SKAP2: variants seen among roughly 807,000 people sequenced by gnomAD.
SKAP2 encodes src kinase-associated phosphoprotein 2.
In SKAP2, 28 loss-of-function variants were observed where a neutral mutation model predicts 54.9. That is an observed-to-expected ratio of 0.51 (90% CI 0.38 to 0.70). The LOEUF is 0.70. Among genes scored for constraint, SKAP2 ranks in the 30% least tolerant of loss-of-function variants. The pLI, the probability that SKAP2 is intolerant of heterozygous loss-of-function variation, is 0.00. For synonymous variants in SKAP2, 137 were observed against 134.3 expected (o/e 1.02, Z -0.14); for missense variants, 356 against 424.1 (o/e 0.84, Z 1.41).
chr7:26,739,299 C>T (rs6950668), intron 5 of SKAP2, among the ~76,000 whole-genome samples: 11,713 of 152,116 alleles, frequency 0.077, 576 homozygotes, highest in Middle Eastern at 0.17. Context: ...AATAGAAAGG[C>T]CTAAAGGGAC....
At chr7:26,741,712 A>G (rs1276004493) in intron 4 of SKAP2, among the ~76,000 whole-genome samples, 1 of 152,120 alleles carries the variant, frequency 6.6e-6, no homozygotes, top group Non-Finnish European at 1.5e-5. Context: ...CAAAACATAC[A>G]ATATGCCCAT....
In SKAP2 at chr7:26,667,781, A is replaced by T. The variant is rs560692218; in HGVS notation, c.*1885T>A. 1 of 152,664 alleles carries T rather than the reference A, an allele frequency of 6.6e-6. No homozygotes were observed. The highest frequency in any genetic ancestry group is 1.5e-5 in the Non-Finnish European group (1 of 68,016). The allele number at this position is 152,664 out of a possible 1,614,324, so 9.5% of individuals were successfully genotyped here. On this transcript the variant is annotated 3_prime_UTR_variant, in exon 13 of 13. Transcript: ENST00000345317. Reference sequence around the variant, plus strand: ...GCCATCTACTGGCCTAGGACTAAAAACTTCTTTTCAACCCAAAGCACAAAC... The same window carrying T: ...GCCATCTACTGGCCTAGGACTAAAATCTTCTTTTCAACCCAAAGCACAAAC...
At chr7:26,828,509 C>G (rs542756130) in intron 4 of SKAP2, among the ~76,000 whole-genome samples, 163 of 151,348 alleles carry the variant, frequency 1.1e-3, no homozygotes, top group Admixed American at 3.4e-3. Context: ...AACCCCGTCT[C>G]TACTAAAAAT....
chr7:26,657,728 A>C, the SKAP2 span, among the ~76,000 whole-genome samples: 1 of 143,642 alleles, frequency 7.0e-6, no homozygotes, highest in Admixed American at 6.8e-5. Flanking sequence ...AGAAAAAAAA[A>C]ATCCCCGCCC....
chr7:26,711,012 C>T (rs1031095800), intron 9 of SKAP2, among the ~76,000 whole-genome samples: 1 of 152,034 alleles, frequency 6.6e-6, no homozygotes, highest in Non-Finnish European at 1.5e-5. Flanking sequence ...CTGTATTATG[C>T]CCAATAAATA....
chr7:26,758,516 G>A (rs747194867), intron 4 of SKAP2, among the ~76,000 whole-genome samples: 17 of 152,072 alleles, frequency 1.1e-4, no homozygotes, highest in Non-Finnish European at 2.5e-4. Flanking sequence ...CAAGTCTCAT[G>A]TACCCACACA....
intron 3 of SKAP2, among the ~76,000 whole-genome samples, chr7:26,852,944 C>T (rs917824996): frequency 1.3e-5 from 2 of 152,008 alleles, no homozygotes; most frequent in African/African-American, 4.8e-5. Flanking sequence ...TTTATACATT[C>T]GTCTAAACAA....
intron 11 of SKAP2, among the ~76,000 whole-genome samples, chr7:26,681,948 T>G (rs887802947): frequency 2.0e-5 from 3 of 152,186 alleles, no homozygotes; most frequent in Non-Finnish European, 4.4e-5. Flanking sequence ...TGACACCATT[T>G]TGATTGTGTA....
intron 4 of SKAP2, among the ~76,000 whole-genome samples, chr7:26,785,083 G>T (rs548117129): frequency 1.3e-5 from 2 of 152,200 alleles, no homozygotes; most frequent in Admixed American, 1.3e-4. Context: ...TGCTCATGAG[G>T]TGTGCAAATA....
intron 11 of SKAP2, among the ~76,000 whole-genome samples, chr7:26,684,332 TATAAAC>T (rs1348884953): frequency 1.3e-5 from 2 of 152,204 alleles, no homozygotes; most frequent in Non-Finnish European, 2.9e-5. Context: ...AAACTTGTTC[TATAAAC>T]ATAGTGTTTC....
intron 4 of SKAP2, among the ~76,000 whole-genome samples, chr7:26,769,982 G>T (rs916984068): frequency 2.6e-5 from 4 of 152,200 alleles, no homozygotes; most frequent in Non-Finnish European, 5.9e-5. Context: ...TGAGAGCTGT[G>T]CTGGGAGATC....
intron 4 of SKAP2, among the ~76,000 whole-genome samples, chr7:26,809,912 C>T (rs908743556): frequency 6.6e-6 from 1 of 152,092 alleles, no homozygotes; most frequent in Non-Finnish European, 1.5e-5. Flanking sequence ...AAATGGAATA[C>T]CATTTAGCCT....
At chr7:26,841,405 T>G (rs1383168654) in intron 4 of SKAP2, among the ~76,000 whole-genome samples, 3 of 152,086 alleles carry the variant, frequency 2.0e-5, no homozygotes, top group Admixed American at 1.3e-4. Flanking sequence ...ACTTTCTTTT[T>G]GTTGTTTTCA....
intron 4 of SKAP2, among the ~76,000 whole-genome samples, chr7:26,819,756 AGGT>A (rs1784353950): frequency 6.6e-6 from 1 of 152,120 alleles, no homozygotes; most frequent in African/African-American, 2.4e-5. Context: ...CTACTTTTTA[AGGT>A]GTGATAAGAG....
At chr7:26,807,418 T>G (rs1477829122) in intron 4 of SKAP2, among the ~76,000 whole-genome samples, 3 of 152,176 alleles carry the variant, frequency 2.0e-5, no homozygotes, top group African/African-American at 7.2e-5. Context: ...TTTAAAAGTG[T>G]TTGGCAGTTC....
rs1225341126 is a variant in SKAP2 at position 26,840,890 on chromosome 7, G to C, written c.307+3140C>G. On this transcript the variant is annotated intron_variant, in intron 4 of 12. Transcript: ENST00000345317. ...GTCATTCTCTCTTTTTTTGCTATTG[G>C]TCTCAAAATGTAGTTCTTCTCAAAA... Among the ~76,000 whole-genome samples, 6 of 151,478 alleles carry C rather than the reference G, an allele frequency of 4.0e-5. No homozygotes were observed. The South Asian group carries it at 1.2e-3, about 31-fold the overall frequency.
In SKAP2 at chr7:26,839,670, C is replaced by T. The variant is rs186789037; in HGVS notation, c.307+4360G>A. Among the ~76,000 whole-genome samples the T allele has an allele frequency of 2.4e-3, 365 of 151,798 alleles. 1 individual carries two copies. Among genetic ancestry groups the T allele is most frequent in the African/African-American group, 7.6e-3 (317 of 41,444 alleles). ...AAGTTATTGAAAAAAACCTTTTTTT[C>T]CAGTTTTAAACATTGTTTCATACTC... is the stretch of plus-strand genomic sequence containing the variant. On this transcript the variant is annotated intron_variant, in intron 4 of 12. Coordinates refer to ENST00000345317, the MANE Select transcript of SKAP2 (RefSeq NM_003930.5).
At chr7:26,857,886 C>T (rs763033683) in intron 1 of SKAP2, 1 of 210,664 alleles carries the variant, frequency 4.7e-6, no homozygotes, top group Non-Finnish European at 8.2e-6. Context: ...CTAGCAAGCA[C>T]AGTAAACTAG....
intron 11 of SKAP2, among the ~76,000 whole-genome samples, chr7:26,675,486 C>T (rs1170782279): frequency 2.0e-5 from 3 of 152,092 alleles, no homozygotes; most frequent in Non-Finnish European, 4.4e-5. Context: ...ATTCCTTCAA[C>T]TAAAATAAAG....
Sources: gnomAD v4.1 joint callset for allele counts (sites outside exome capture counted in the v4.1 genomes callset) on GRCh38, gnomAD v4.1.1 for gene constraint, MANE v1.5 for transcripts, NCBI Gene and HGNC (gene_info 2026-07-23, HGNC 2026-07-21) for gene names.